The following TARS3 variants were observed in gnomAD, a reference collection of about 807,000 sequenced individuals.
TARS3 encodes threonyl-tRNA synthetase 3, also known as threonine--tRNA ligase 2, cytoplasmic.
TARS3 carries 94 observed loss-of-function variants against 103.5 expected under a neutral mutation model. The observed-to-expected ratio is 0.91, with a 90% confidence interval of 0.77 to 1.08. The LOEUF (loss-of-function observed/expected upper bound fraction) is 1.08, where lower values mean the gene tolerates loss of function less well. TARS3 is among the 50% of genes least tolerant of loss of function. TARS3 has a pLI of 0.00. For synonymous variants in TARS3, 416 were observed against 355.4 expected, an observed-to-expected ratio of 1.17 and a Z score of -1.92; for missense variants, 952 against 995.2, an observed-to-expected ratio of 0.96 and a Z score of 0.58.
At chr15:101,700,459 G>A (rs1216954957) in intron 10 of TARS3, among the ~76,000 whole-genome samples, 3 of 152,154 alleles carry the variant, frequency 2.0e-5, no homozygotes, top group South Asian at 4.1e-4. Context: ...TACCAGAGAC[G>A]ACACTTTCTC....
chr15:101,724,389 G>T lies in TARS3; in HGVS notation c.-2C>A. Reference sequence around the variant, plus strand: ...CGCCGCCAGGGCCTCGGCCGCCATCGCGGCCTCCCTCAGGCACCGACGCCG... The same window carrying T: ...CGCCGCCAGGGCCTCGGCCGCCATCTCGGCCTCCCTCAGGCACCGACGCCG... On this transcript the variant is annotated 5_prime_UTR_variant, in exon 1 of 19. Transcript: ENST00000335968. 2 of 1,487,850 alleles carry T rather than the reference G, an allele frequency of 1.3e-6. No individual in the cohort carries two copies. Among genetic ancestry groups the T allele is most frequent in the Non-Finnish European group, 1.8e-6 (2 of 1,124,928 alleles). 92.2% of individuals were successfully genotyped at this position (1,487,850 alleles called of 1,614,324 possible).
At chr15:101,709,455 C>A (rs1567352697) in intron 5 of TARS3, among the ~76,000 whole-genome samples, 1 of 152,158 alleles carries the variant, frequency 6.6e-6, no homozygotes, top group Non-Finnish European at 1.5e-5. Context: ...CACACATATC[C>A]CCACACCAGG....
intron 8 of TARS3, among the ~76,000 whole-genome samples, chr15:101,703,152 G>A (rs1567347980): frequency 6.6e-6 from 1 of 152,174 alleles, no homozygotes; most frequent in African/African-American, 2.4e-5. Context: ...ATCCCAGAGC[G>A]ATGTTTTCTC....
Position 101,702,392 on chromosome 15 carries a change from ATC to A in TARS3, c.1075-9_1075-8del. 6.2e-7 allele frequency: 1 copy of A among 1,611,618 alleles called. No individual in the cohort carries two copies. Among genetic ancestry groups the A allele is most frequent in the Non-Finnish European group, 8.5e-7 (1 of 1,177,966 alleles). ...CCCAATATGTTGAGGAATTCTAAAT[ATC>A]AAAGAGGATTTTGGTAAATATATCA... is the stretch of plus-strand genomic sequence containing the variant. On this transcript the variant is annotated splice_polypyrimidine_tract_variant and splice_region_variant and intron_variant, in intron 8 of 18. Transcript: ENST00000335968.
Position 101,708,863 on chromosome 15 carries a change from G to A in TARS3, c.860C>T (p.Ala287Val). 1 of 1,612,480 alleles carries A rather than the reference G, an allele frequency of 6.2e-7. No homozygotes were observed. The highest frequency in any genetic ancestry group is 8.5e-7 in the Non-Finnish European group (1 of 1,179,460). ...AAAAGGTTGCTTTTCTTTTATGATG[G>A]CTTTACATATATTCTCCAGGGCTGA... ...ELSALENICK[A>V]IIKEKQPFER... The change falls in exon 6 of 19, where the codon GCC becomes GTC. Residue 287 changes from alanine to valine, a missense_variant. This residue lies in a region of TARS3 where 540 missense variants were observed against 631.0 expected (regional missense o/e 0.86). Coordinates refer to ENST00000335968, the MANE Select transcript of TARS3 (RefSeq NM_152334.3).
chr15:101,706,278 A>G (rs1267840586), intron 6 of TARS3, among the ~76,000 whole-genome samples: 1 of 152,156 alleles, frequency 6.6e-6, no homozygotes, highest in Non-Finnish European at 1.5e-5. Context: ...GTGAGCCACC[A>G]CACCTGGCCT....
At position 101,714,950 on chromosome 15, in the gene TARS3, C is replaced by T. The variant is rs1205986310; in HGVS notation, c.580G>A (p.Glu194Lys). The T allele has an allele frequency of 2.5e-6, 4 of 1,609,616 alleles. No homozygotes were observed. The highest frequency in any genetic ancestry group is 3.4e-6 in the Non-Finnish European group (4 of 1,177,446). Residue 194 changes from glutamate (E) to lysine (K), a missense_variant, in exon 4 of 19, where the codon GAA becomes AAA. Glu to Lys is a moderately conservative substitution (Grantham distance 56). Transcript: ENST00000335968. ...TTGACTTTGGCTATTACCGTGCTTT[C>T]AGCCAGTTCCTGACTAAGAAGACAA... is the stretch of plus-strand genomic sequence containing the variant. ...VAAEISQELAESTVIAKVNGE... is the reference protein window; with the variant it reads ...VAAEISQELAKSTVIAKVNGE...
chr15:101,695,709 C>A (rs1898941160), intron 10 of TARS3: 2 of 151,830 alleles, frequency 1.3e-5, no homozygotes, highest in Admixed American at 6.6e-5. Flanking sequence ...TTGAGACCAG[C>A]CTGACCAACA....
At chr15:101,721,011 G>T in intron 3 of TARS3, 115 bp downstream of exon 3, 2 of 856,982 alleles carry the variant, frequency 2.3e-6, no homozygotes, top group Non-Finnish European at 3.6e-6. Context: ...TCTCAGACAT[G>T]TCCTTTTAGT....
At chr15:101,672,086 CT>C in intron 13 of TARS3, among the ~76,000 whole-genome samples, 1 of 152,254 alleles carries the variant, frequency 6.6e-6, no homozygotes, top group Admixed American at 6.5e-5. Context: ...CTTCTGCCTC[CT>C]GGTGACGGGC....
chr15:101,692,810 T>C (rs1348123596), intron 10 of TARS3, among the ~76,000 whole-genome samples: 1 of 152,252 alleles, frequency 6.6e-6, no homozygotes, highest in Non-Finnish European at 1.5e-5. Flanking sequence ...TAGACTCTCT[T>C]CAGTTAAACC....
At chr15:101,706,952 T>C (rs1344122958) in intron 6 of TARS3, among the ~76,000 whole-genome samples, 1 of 152,180 alleles carries the variant, frequency 6.6e-6, no homozygotes, top group Non-Finnish European at 1.5e-5. Flanking sequence ...ATATCCAGAA[T>C]ATATCAAGAA....
chr15:101,723,227 A>G (rs1900580850), intron 1 of TARS3, 63 bp from the exon 2 acceptor site: 1 of 1,487,024 alleles, frequency 6.7e-7, no homozygotes, highest in Non-Finnish European at 9.4e-7. Flanking sequence ...TTTTAAGAAG[A>G]GAGTCATGCC....
At chr15:101,679,954 T>G (rs376426619) in intron 12 of TARS3, among the ~76,000 whole-genome samples, 1 of 152,154 alleles carries the variant, frequency 6.6e-6, no homozygotes, top group African/African-American at 2.4e-5. Flanking sequence ...TCATGACCAA[T>G]TGGCAGTGAG....
chr15:101,656,868 G>C (rs1459360551), intron 18 of TARS3, 54 bp downstream of exon 18: 7 of 1,080,274 alleles, frequency 6.5e-6, no homozygotes, highest in Non-Finnish European at 9.7e-6. Flanking sequence ...TGGTCTTTTG[G>C]AATTGAAGTG....
At chr15:101,694,755 C>G (rs2141418817) in intron 10 of TARS3, among the ~76,000 whole-genome samples, 1 of 152,290 alleles carries the variant, frequency 6.6e-6, no homozygotes, top group East Asian at 1.9e-4. Context: ...TTGCCTATGT[C>G]AACACCAAAG....
chr15:101,655,728 C>T, intron 18 of TARS3: 3 of 953,044 alleles, frequency 3.1e-6, no homozygotes, highest in South Asian at 1.8e-5. Flanking sequence ...CTCTTACAGG[C>T]TCACACTGAC....
At chr15:101,696,677 G>A (rs1401674035) in intron 10 of TARS3, among the ~76,000 whole-genome samples, 1 of 152,134 alleles carries the variant, frequency 6.6e-6, no homozygotes, top group Non-Finnish European at 1.5e-5. Context: ...AAGGACCCCA[G>A]AGAAACCTTA....
chr15:101,683,987 T>C (rs1898359446), intron 12 of TARS3, 88 bp downstream of exon 12: 1 of 1,351,392 alleles, frequency 7.4e-7, no homozygotes, highest in African/African-American at 1.5e-5. Flanking sequence ...AACGTCTATG[T>C]TTCAGTAACT....
Sources: gnomAD v4.1 joint callset for allele counts (sites outside exome capture counted in the v4.1 genomes callset) on GRCh38, gnomAD v4.1.1 for gene constraint, gnomAD v4.1.1 regional missense constraint, MANE v1.5 for transcripts, NCBI Gene and HGNC (gene_info 2026-07-23, HGNC 2026-07-21) for gene names.